PPP3CB: variants seen among roughly 807,000 people sequenced by gnomAD.
The protein encoded by PPP3CB is serine/threonine-protein phosphatase 2B catalytic subunit beta isoform.
PPP3CB carries 8 observed loss-of-function variants against 66.4 expected under a neutral mutation model. The ratio of observed to expected loss-of-function variants is 0.12; its 90% CI spans 0.07 to 0.22. The LOEUF (loss-of-function observed/expected upper bound fraction) is 0.22, where lower values mean the gene tolerates loss of function less well. PPP3CB is among the 10% of genes least tolerant of loss of function. The probability of loss-of-function intolerance (pLI) is 1.00; values close to 1 mark genes in which losing one functional copy is unlikely to be tolerated. For synonymous variants in PPP3CB, 208 were observed against 221.2 expected (o/e 0.94, Z 0.53); for missense variants, 319 against 642.5 (o/e 0.50, Z 5.44).
chr10:73,474,519 G>A (rs973485291), intron 4 of PPP3CB, among the ~76,000 whole-genome samples: 13 of 151,752 alleles, frequency 8.6e-5, no homozygotes, highest in Admixed American at 5.3e-4. Flanking sequence ...TATGACCTCC[G>A]ATTCCCAGGC....
intron 1 of PPP3CB, among the ~76,000 whole-genome samples, chr10:73,494,208 A>G (rs1049953175): frequency 1.3e-5 from 2 of 152,088 alleles, no homozygotes; most frequent in African/African-American, 4.8e-5. Context: ...TAAACTCGTT[A>G]TTCAGCTCAT....
chr10:73,495,654 G>A, intron 1 of PPP3CB, 151 bp downstream of exon 1: 5 of 1,222,554 alleles, frequency 4.1e-6, no homozygotes, highest in East Asian at 3.8e-5. Flanking sequence ...GCCCTGCCCA[G>A]CAGGGGCCCG....
In PPP3CB at chr10:73,486,898, C is replaced by T. The variant is rs72814307; in HGVS notation, c.86-7381G>A. Among the ~76,000 whole-genome samples the T allele has an allele frequency of 3.5e-3, 528 of 152,282 alleles. 1 individual carries two copies. The highest frequency in any genetic ancestry group is 0.014 in the Middle Eastern group (4 of 294). Reference sequence around the variant, plus strand: ...TATTAAACTAATCATAGGCTGGGTGCCGTGGCTTAAATCTGTAATCCTAGC... The same window carrying T: ...TATTAAACTAATCATAGGCTGGGTGTCGTGGCTTAAATCTGTAATCCTAGC... On this transcript the variant is annotated intron_variant, in intron 1 of 13. Transcript: ENST00000360663.
chr10:73,462,776 C>T (rs2056544915), intron 9 of PPP3CB, among the ~76,000 whole-genome samples: 1 of 151,570 alleles, frequency 6.6e-6, no homozygotes, highest in Non-Finnish European at 1.5e-5. Flanking sequence ...ATGGCGAAAC[C>T]CTGTCTCTGC....
At chr10:73,452,387 C>T (rs562394655) in intron 10 of PPP3CB, among the ~76,000 whole-genome samples, 114 of 152,124 alleles carry the variant, frequency 7.5e-4, no homozygotes, top group East Asian at 5.2e-3. Flanking sequence ...AACAGGGAAA[C>T]AAAATATCTA....
At chr10:73,453,950 G>GC (rs910616479) in intron 10 of PPP3CB, among the ~76,000 whole-genome samples, 9 of 152,132 alleles carry the variant, frequency 5.9e-5, no homozygotes, top group African/African-American at 2.2e-4. Context: ...AACTAAATTA[G>GC]CAAGTGGTCT....
chr10:73,488,149 T>C (rs552439591), intron 1 of PPP3CB, among the ~76,000 whole-genome samples: 1 of 152,234 alleles, frequency 6.6e-6, no homozygotes, highest in East Asian at 1.9e-4. Flanking sequence ...TAGTAAGAAG[T>C]AGAGCCATAG....
At chr10:73,491,356 G>T (rs562093650) in intron 1 of PPP3CB, among the ~76,000 whole-genome samples, 15 of 151,778 alleles carry the variant, frequency 9.9e-5, no homozygotes, top group African/African-American at 3.6e-4. Context: ...GTAGAGATGG[G>T]GTTTCACCAT....
chr10:73,455,507 A>G (rs913691124), intron 9 of PPP3CB, among the ~76,000 whole-genome samples: 5 of 152,164 alleles, frequency 3.3e-5, no homozygotes, highest in African/African-American at 1.2e-4. Context: ...AGATGACTCC[A>G]AAGTCTGTAT....
intron 9 of PPP3CB, among the ~76,000 whole-genome samples, chr10:73,455,944 T>C (rs2056420670): frequency 6.6e-6 from 1 of 152,238 alleles, no homozygotes; most frequent in Non-Finnish European, 1.5e-5. Flanking sequence ...TGTAGGATGT[T>C]GTTTAATTCA....
chr10:73,464,939 T>A (rs563855204), intron 9 of PPP3CB, among the ~76,000 whole-genome samples: 10 of 148,730 alleles, frequency 6.7e-5, no homozygotes, highest in African/African-American at 2.0e-4. Flanking sequence ...TGAATGAGAC[T>A]GTGCCTCAAA....
chr10:73,471,895 T>C (rs183635604), intron 4 of PPP3CB, among the ~76,000 whole-genome samples: 1 of 152,140 alleles, frequency 6.6e-6, no homozygotes, highest in African/African-American at 2.4e-5. Flanking sequence ...AGAGAACTTA[T>C]GGCATGATAA....
At chr10:73,468,365 T>G (rs554012501) in intron 8 of PPP3CB, among the ~76,000 whole-genome samples, 1 of 152,290 alleles carries the variant, frequency 6.6e-6, no homozygotes, top group Admixed American at 6.5e-5. Context: ...ATTAAAATCT[T>G]AAATGACCTA....
chr10:73,495,290 C>T (rs948964897), intron 1 of PPP3CB, among the ~76,000 whole-genome samples: 1 of 152,186 alleles, frequency 6.6e-6, no homozygotes, highest in East Asian at 1.9e-4. Context: ...TGGCACCTGA[C>T]GGCCAAAAGT....
At chr10:73,462,949 C>CAAAAAAAAAAAAA in intron 9 of PPP3CB, among the ~76,000 whole-genome samples, 1 of 58,784 alleles carries the variant, frequency 1.7e-5, no homozygotes, top group Non-Finnish European at 2.8e-5. Context: ...GACTCTGTCT[C>CAAAAAAAAAAAAA]AAAAAAAAAA....
intron 9 of PPP3CB, among the ~76,000 whole-genome samples, chr10:73,456,394 A>G (rs2056428256): frequency 6.6e-6 from 1 of 152,234 alleles, no homozygotes; most frequent in African/African-American, 2.4e-5. Context: ...CTTTTGCTAG[A>G]TAACATTTGA....
At chr10:73,491,951 G>T (rs1360245174) in intron 1 of PPP3CB, among the ~76,000 whole-genome samples, 1 of 151,726 alleles carries the variant, frequency 6.6e-6, no homozygotes, top group Non-Finnish European at 1.5e-5. Flanking sequence ...TAGGCAAGAA[G>T]AGCGAAACTC....
intron 9 of PPP3CB, among the ~76,000 whole-genome samples, chr10:73,464,400 A>T (rs766399336): frequency 6.6e-6 from 1 of 151,946 alleles, no homozygotes; most frequent in East Asian, 1.9e-4. Flanking sequence ...TAAAACACTT[A>T]AAAAAAATCT....
Position 73,442,120 on chromosome 10 carries a change from T to C in PPP3CB, c.1367-2219A>G, listed in dbSNP as rs142668102. Among the ~76,000 whole-genome samples the C allele has an allele frequency of 2.2e-4, 34 of 152,296 alleles. No homozygotes were observed. In the East Asian group the frequency reaches 5.6e-3, roughly 25 times the overall value. On this transcript the variant is annotated intron_variant, in intron 12 of 13. Transcript: ENST00000360663. The stretch of plus-strand genomic sequence containing the variant: ...TTTATCTTATGCTAGGAAAATAATT[T>C]TGACCAAATGCCCAAACCACACTAT...
Sources: gnomAD v4.1 joint callset for allele counts (sites outside exome capture counted in the v4.1 genomes callset) on GRCh38, gnomAD v4.1.1 for gene constraint, MANE v1.5 for transcripts, NCBI Gene and HGNC (gene_info 2026-07-23, HGNC 2026-07-21) for gene names.